THSD7B: variants seen among roughly 807,000 people sequenced by gnomAD.
The protein encoded by THSD7B is thrombospondin type-1 domain-containing protein 7B.
THSD7B carries 138 observed loss-of-function variants against 213.6 expected under a neutral mutation model. That is an observed-to-expected ratio of 0.65 (90% CI 0.56 to 0.74). The LOEUF is 0.74. THSD7B is among the 30% of genes least tolerant of loss of function. THSD7B has a pLI of 0.00. For missense variants in THSD7B, 1,931 were observed against 1,991.5 expected, an observed-to-expected ratio of 0.97 and a Z score of 0.58; for synonymous variants, 742 against 687.0, an observed-to-expected ratio of 1.08 and a Z score of -1.25.
At chr2:137,602,487 C>G (rs948029119) in intron 17 of THSD7B, among the ~76,000 whole-genome samples, 4 of 152,038 alleles carry the variant, frequency 2.6e-5, no homozygotes, top group African/African-American at 9.7e-5. Context: ...CCAGGATGGT[C>G]TCAATCTCCT....
intron 9 of THSD7B, among the ~76,000 whole-genome samples, chr2:137,240,531 CAG>C (rs1342007141): frequency 1.3e-5 from 2 of 151,954 alleles, no homozygotes; most frequent in Non-Finnish European, 2.9e-5. Context: ...TTTTTAGAGA[CAG>C]AGTCTTGCTT....
chr2:137,364,841 A>T (rs1685367233), intron 12 of THSD7B, among the ~76,000 whole-genome samples: 2 of 152,210 alleles, frequency 1.3e-5, no homozygotes, highest in African/African-American at 4.8e-5. Flanking sequence ...ATTCAATGCC[A>T]TCCCCATCAA....
At chr2:136,948,893 T>C (rs1328004487) in intron 2 of THSD7B, among the ~76,000 whole-genome samples, 3 of 149,758 alleles carry the variant, frequency 2.0e-5, no homozygotes, top group Admixed American at 6.6e-5. Context: ...TTTGTTCTTA[T>C]GTGGTAATAA....
At chr2:137,628,193 G>A (rs146693635) in intron 20 of THSD7B, among the ~76,000 whole-genome samples, 107 of 152,228 alleles carry the variant, frequency 7.0e-4, no homozygotes, top group Non-Finnish European at 1.4e-3. Flanking sequence ...TGGAGACTCC[G>A]TAGGATCTTT....
At chr2:137,078,363 G>T (rs931743902) in intron 3 of THSD7B, among the ~76,000 whole-genome samples, 2 of 152,200 alleles carry the variant, frequency 1.3e-5, no homozygotes, top group African/African-American at 4.8e-5. Context: ...TGATATCATA[G>T]TAGAGTTTTT....
At chr2:137,390,857 T>C (rs1226045419) in intron 12 of THSD7B, among the ~76,000 whole-genome samples, 1 of 152,168 alleles carries the variant, frequency 6.6e-6, no homozygotes, top group Non-Finnish European at 1.5e-5. Context: ...TGTTGAACCA[T>C]TTTTGCATCC....
chr2:137,515,432 G>A (rs1485747264), intron 15 of THSD7B, among the ~76,000 whole-genome samples: 1 of 152,098 alleles, frequency 6.6e-6, no homozygotes, highest in Non-Finnish European at 1.5e-5. Flanking sequence ...TAACACCCCT[G>A]TTTGCTTCTA....
intron 1 of THSD7B, among the ~76,000 whole-genome samples, chr2:136,806,254 G>A (rs558581600): frequency 1.2e-3 from 180 of 152,280 alleles, no homozygotes; most frequent in African/African-American, 4.2e-3. Context: ...TCAGAAAGGC[G>A]TATTGGACAG....
At chr2:137,067,897 T>A (rs1309636949) in intron 3 of THSD7B, among the ~76,000 whole-genome samples, 1 of 152,190 alleles carries the variant, frequency 6.6e-6, no homozygotes, top group South Asian at 2.1e-4. Context: ...GCAGGGCTAC[T>A]GAAGGTATAC....
intron 2 of THSD7B, among the ~76,000 whole-genome samples, chr2:137,038,065 G>T (rs943006173): frequency 3.9e-5 from 6 of 152,140 alleles, no homozygotes; most frequent in Non-Finnish European, 1.5e-5. Context: ...TTTAACATAG[G>T]ATAGAACTCT....
chr2:137,297,756 G>C (rs4954494), intron 12 of THSD7B, among the ~76,000 whole-genome samples: 15,560 of 152,112 alleles, frequency 0.1, 1,314 homozygotes, highest in East Asian at 0.43. Flanking sequence ...GGTTTACCAG[G>C]GGTTTCAGCT....
At chr2:136,931,310 T>C (rs951807908) in intron 2 of THSD7B, among the ~76,000 whole-genome samples, 7 of 152,158 alleles carry the variant, frequency 4.6e-5, no homozygotes, top group Non-Finnish European at 8.8e-5. Flanking sequence ...TAGCCGAATT[T>C]TACAATTGAG....
chr2:136,990,715 T>C (rs948973900), intron 2 of THSD7B, among the ~76,000 whole-genome samples: 1 of 152,186 alleles, frequency 6.6e-6, no homozygotes, highest in African/African-American at 2.4e-5. Context: ...ATACACTAGA[T>C]TGAGGAATCA....
At chr2:137,264,680 TATA>T (rs1014103337) in intron 10 of THSD7B, among the ~76,000 whole-genome samples, 1 of 152,174 alleles carries the variant, frequency 6.6e-6, no homozygotes, top group Admixed American at 6.6e-5. Context: ...ATATTTCTGT[TATA>T]ATAACACATA....
intron 12 of THSD7B, among the ~76,000 whole-genome samples, chr2:137,321,550 C>A (rs1684264934): frequency 6.6e-6 from 1 of 152,138 alleles, no homozygotes; most frequent in Admixed American, 6.5e-5. Context: ...GGGGAAGGTA[C>A]ACATAATCCT....
chr2:136,938,451 C>G (rs1684768126), intron 2 of THSD7B, among the ~76,000 whole-genome samples: 1 of 152,046 alleles, frequency 6.6e-6, no homozygotes, highest in Middle Eastern at 3.2e-3. Flanking sequence ...AAAATCTTAA[C>G]AGTGAGTCAT....
intron 12 of THSD7B, among the ~76,000 whole-genome samples, chr2:137,285,670 AC>A (rs993288061): frequency 6.6e-6 from 1 of 151,762 alleles, no homozygotes; most frequent in African/African-American, 2.4e-5. Context: ...CAGCAATAAT[AC>A]CTGGTATTTA....
chr2:137,378,467 G>T (rs1685708748), intron 12 of THSD7B, among the ~76,000 whole-genome samples: 1 of 152,136 alleles, frequency 6.6e-6, no homozygotes, highest in Admixed American at 6.6e-5. Flanking sequence ...TCCTTAACAA[G>T]CAAGCTACTT....
intron 17 of THSD7B, among the ~76,000 whole-genome samples, chr2:137,575,744 T>TATATATA (rs1558845594): frequency 4.5e-5 from 5 of 111,504 alleles, no homozygotes; most frequent in African/African-American, 1.4e-4. Flanking sequence ...ATATATATAT[T>TATATATA]TTTACTTTAA....
Sources: gnomAD v4.1 joint callset for allele counts (sites outside exome capture counted in the v4.1 genomes callset) on GRCh38, gnomAD v4.1.1 for gene constraint, MANE v1.5 for transcripts, NCBI Gene and HGNC (gene_info 2026-07-23, HGNC 2026-07-21) for gene names.